Variants in CLTB observed in about 807,000 individuals in gnomAD.
CLTB encodes the protein clathrin, light chain (Lcb).
CLTB carries 10 observed loss-of-function variants against 30.5 expected under a neutral mutation model. The observed-to-expected ratio is 0.33, with a 90% CI of 0.20 to 0.56. The LOEUF (loss-of-function observed/expected upper bound fraction) is 0.56, where lower values mean the gene tolerates loss of function less well. Among genes scored for constraint, CLTB ranks in the 20% least tolerant of loss-of-function variants. The pLI, the probability that CLTB is intolerant of heterozygous loss-of-function variation, is 0.91. For synonymous variants in CLTB, 102 were observed against 120.3 expected (o/e 0.85, Z 1.00); for missense variants, 261 against 308.3 (o/e 0.85, Z 1.15).
intron 1 of CLTB, 150 bp from the exon 2 acceptor site, chr5:176,410,453 CTT>C (rs1757367762): frequency 1.6e-6 from 1 of 621,404 alleles, no homozygotes; most frequent in African/African-American, 1.8e-5. Flanking sequence ...ATATATATAA[CTT>C]AGGCTCAATC....
At chr5:176,396,310 G>C (rs916706534) in intron 5 of CLTB, among the ~76,000 whole-genome samples, 169 bp downstream of exon 5, 10 of 152,180 alleles carry the variant, frequency 6.6e-5, no homozygotes, top group Non-Finnish European at 1.2e-4. Context: ...CTTCACTGGA[G>C]GGAGGGAGGT....
chr5:176,405,701 G>C (rs1757077328), intron 2 of CLTB: 1 of 152,026 alleles, frequency 6.6e-6, no homozygotes, highest in Non-Finnish European at 1.5e-5. Context: ...CAGGGGCGTG[G>C]AGGGCACGGG....
chr5:176,406,343 T>A, intron 2 of CLTB: 1 of 1,112,004 alleles, frequency 9.0e-7, no homozygotes, highest in Non-Finnish European at 1.1e-6. Context: ...CTCCCTAGAA[T>A]CCCTCTCCTG....
chr5:176,411,999 AC>A (rs1319403846), intron 1 of CLTB, among the ~76,000 whole-genome samples: 5 of 151,518 alleles, frequency 3.3e-5, no homozygotes, highest in Admixed American at 3.3e-4. Flanking sequence ...ACACGGTGAA[AC>A]CCCGTCTCTA....
At chr5:176,398,184 C>T (rs1400136033) in intron 2 of CLTB, 137 bp from the exon 3 acceptor site, 2 of 719,040 alleles carry the variant, frequency 2.8e-6, no homozygotes, top group East Asian at 5.3e-5. Flanking sequence ...GGTGACTACA[C>T]CTATCTTTGC....
Position 176,397,866 on chromosome 5 carries a change from G to A in CLTB, c.352+64C>T. The A allele has an allele frequency of 1.0e-5, 15 of 1,496,442 alleles. 1 individual carries two copies. The highest frequency in any genetic ancestry group is 1.8e-4 in the Middle Eastern group (1 of 5,624). 92.7% of individuals were successfully genotyped at this position (1,496,442 alleles called of 1,614,324 possible). A position where few individuals can be genotyped will look rare whatever the true frequency, so the allele number is the denominator to read the frequency against. On this transcript the variant is annotated intron_variant, in intron 3 of 5. Coordinates refer to ENST00000310418, the MANE Select transcript of CLTB (RefSeq NM_007097.5). Reference sequence around the variant, plus strand: ...CATGCAGCATCCCATGCACTCCGAGGACTCCCCACACTCCACCCCACACAC... The same window carrying A: ...CATGCAGCATCCCATGCACTCCGAGAACTCCCCACACTCCACCCCACACAC...
At chr5:176,396,655 A>AG (rs1756537783) in intron 4 of CLTB, 123 bp from the exon 5 acceptor site, 1 of 758,490 alleles carries the variant, frequency 1.3e-6, no homozygotes, top group Non-Finnish European at 2.3e-6. Flanking sequence ...GAGAAATGTT[A>AG]GGAAGCATAG....
At chr5:176,409,198 T>A (rs746522412) in intron 2 of CLTB, among the ~76,000 whole-genome samples, 4 of 150,084 alleles carry the variant, frequency 2.7e-5, no homozygotes, top group Non-Finnish European at 5.9e-5. Context: ...ATGGTCTCAA[T>A]CTTCCAACCT....
chr5:176,395,952 T>C (rs1433217142), intron 5 of CLTB, among the ~76,000 whole-genome samples: 1 of 152,076 alleles, frequency 6.6e-6, no homozygotes, highest in African/African-American at 2.4e-5. Flanking sequence ...CTGGCCGACA[T>C]GGTGAAACCC....
intron 2 of CLTB, chr5:176,401,785 C>T (rs932476270): frequency 1.5e-5 from 7 of 456,050 alleles, no homozygotes; most frequent in Non-Finnish European, 3.1e-5. Context: ...CCCGAGGGTG[C>T]TGAGGCCCCA....
intron 4 of CLTB, among the ~76,000 whole-genome samples, 168 bp downstream of exon 4, chr5:176,397,439 C>A (rs1455577125): frequency 3.4e-5 from 5 of 145,338 alleles, no homozygotes; most frequent in African/African-American, 7.7e-5. Context: ...TCCCTCATGT[C>A]CCCACAGCCC....
At position 176,398,907 on chromosome 5, in the gene CLTB, A is replaced by G. The variant is rs530830601; in HGVS notation, c.235-860T>C. ...TCCCAGGCTGGAGTGCAATGGTGCA[A>G]TGTTGGTTCACTGCAACCTCTGCCT... On this transcript the variant is annotated intron_variant, in intron 2 of 5. Coordinates refer to ENST00000310418, the MANE Select transcript of CLTB (RefSeq NM_007097.5). 1.1e-3 allele frequency among the ~76,000 whole-genome samples: 167 copies of G among 150,586 alleles called. 1 individual carries two copies. The highest frequency in any genetic ancestry group is 3.9e-3 in the African/African-American group (160 of 41,104).
chr5:176,396,589 ACAGG>A, intron 4 of CLTB, 57 bp from the exon 5 acceptor site: 1 of 1,252,150 alleles, frequency 8.0e-7, no homozygotes, highest in Non-Finnish European at 1.2e-6. Flanking sequence ...GGCAAGACAG[ACAGG>A]CAGGCAGAAG....
At chr5:176,395,618 G>A (rs886367580) in intron 5 of CLTB, among the ~76,000 whole-genome samples, 7 of 152,010 alleles carry the variant, frequency 4.6e-5, no homozygotes, top group South Asian at 2.1e-4. Flanking sequence ...AACTGACGTC[G>A]GCACGAGATA....
chr5:176,397,758 G>C, intron 3 of CLTB, 40 bp from the exon 4 acceptor site: 1 of 1,583,488 alleles, frequency 6.3e-7, no homozygotes, highest in Non-Finnish European at 8.7e-7. Context: ...CTTTCCAGCT[G>C]GGATGCACAG....
chr5:176,410,673 C>T (rs1757381275), intron 1 of CLTB, among the ~76,000 whole-genome samples: 1 of 152,200 alleles, frequency 6.6e-6, no homozygotes, highest in Non-Finnish European at 1.5e-5. Context: ...GCCAGATTAC[C>T]TGTGAAGCCT....
intron 2 of CLTB, among the ~76,000 whole-genome samples, chr5:176,407,955 C>T (rs1361589379): frequency 6.6e-6 from 1 of 152,186 alleles, no homozygotes; most frequent in Non-Finnish European, 1.5e-5. Context: ...AAGAAGCCAG[C>T]TCCTCCAGGG....
rs1473261380 is a variant in CLTB at position 176,393,619 on chromosome 5, G to T, written c.519-674C>A. Among the ~76,000 whole-genome samples the T allele has an allele frequency of 6.6e-6, 1 of 152,174 alleles. No homozygotes were observed. The highest frequency in any genetic ancestry group is 1.5e-5 in the Non-Finnish European group (1 of 68,038). On this transcript the variant is annotated intron_variant, in intron 5 of 5. Transcript: ENST00000310418. This position sits in a 1 kb window ranked among gnomAD's most constrained non-coding sequence, Gnocchi z 4.4. ...AGCGTCTTTCACCACAGAGCCCTTTGTAGCCCAGAACCACCACTGTCTCTG... is the reference window on the plus strand; with the variant it reads ...AGCGTCTTTCACCACAGAGCCCTTTTTAGCCCAGAACCACCACTGTCTCTG...
intron 2 of CLTB, among the ~76,000 whole-genome samples, chr5:176,407,820 T>C (rs1455875633): frequency 1.3e-5 from 2 of 152,178 alleles, no homozygotes; most frequent in Non-Finnish European, 2.9e-5. Flanking sequence ...AGAGATGGAC[T>C]TTTCCAGCTT....
Sources: allele counts gnomAD v4.1 joint callset (sites outside exome capture counted in the v4.1 genomes callset), GRCh38; gene constraint gnomAD v4.1.1; non-coding constraint Gnocchi (gnomAD v3.1); transcripts MANE v1.5; gene names NCBI Gene and HGNC (gene_info 2026-07-23, HGNC 2026-07-21).